Variants in PISD observed in about 807,000 individuals in gnomAD.
The protein encoded by PISD is phosphatidylserine decarboxylase.
PISD carries 31 observed loss-of-function variants against 43.5 expected under a neutral mutation model. That is an observed-to-expected ratio of 0.71 (90% CI 0.54 to 0.96). PISD has a LOEUF of 0.96. Among genes scored for constraint, PISD ranks in the 40% least tolerant of loss-of-function variants. The pLI is 0.00. For missense variants in PISD, 523 were observed against 548.4 expected, an observed-to-expected ratio of 0.95 and a Z score of 0.46; for synonymous variants, 259 against 228.7, an observed-to-expected ratio of 1.13 and a Z score of -1.20.
At position 31,637,968 on chromosome 22, in the gene PISD, G is replaced by A. The variant is rs187518168; in HGVS notation, c.321+10133C>T. Among the ~76,000 whole-genome samples the A allele has an allele frequency of 8.5e-5, 13 of 152,330 alleles. No homozygotes were observed. In the East Asian group the frequency reaches 1.7e-3, roughly 20 times the overall value. ...CCATGTGCTTCCAGAAATAAGGCTCGGCCCCAGACAGACCCAGAGGCCGCC... is the reference window on the plus strand; with the variant it reads ...CCATGTGCTTCCAGAAATAAGGCTCAGCCCCAGACAGACCCAGAGGCCGCC... On this transcript the variant is annotated intron_variant, in intron 3 of 7. Coordinates refer to ENST00000439502, the MANE Select transcript of PISD (RefSeq NM_001326411.2).
rs1410876797 is a variant in PISD at position 31,630,164 on chromosome 22, CAG to C, written c.322-8281_322-8280del. Among the ~76,000 whole-genome samples, 2 of 152,006 alleles carry C rather than the reference CAG, an allele frequency of 1.3e-5. No individual in the cohort carries two copies. The highest frequency in any genetic ancestry group is 2.9e-5 in the Non-Finnish European group (2 of 67,986). ...ATGGTCCTCCCTGGGCGACATGGAC[CAG>C]AGTCAGTGGCAGGCAGCCCAGGAGG... On this transcript the variant is annotated intron_variant, in intron 3 of 7. Coordinates refer to ENST00000439502, the MANE Select transcript of PISD (RefSeq NM_001326411.2). The surrounding 1 kb of genome is among the most constrained non-coding windows in gnomAD (Gnocchi z 4.4).
rs377022091 is a variant in PISD, at chr22:31,625,824, G to A, written c.322-3939C>T. ...TCTGACTGACACATCATGGGCCGGC[G>A]CAGGGAGGGCGGGGCGAGGCTCACT... On this transcript the variant is annotated intron_variant, in intron 3 of 7. Coordinates refer to ENST00000439502, the MANE Select transcript of PISD (RefSeq NM_001326411.2). 476 of 1,597,550 alleles carry A rather than the reference G, an allele frequency of 3.0e-4. 2 individuals carry two copies. In the African/African-American group the frequency reaches 4.2e-3, roughly 14 times the overall value.
chr22:31,656,419 G>A (rs1450841825), intron 1 of PISD, among the ~76,000 whole-genome samples: 1 of 151,948 alleles, frequency 6.6e-6, no homozygotes. Context: ...GGAAGGCCAA[G>A]GTGGGCAGAT....
At position 31,625,931 on chromosome 22, in the gene PISD, T is replaced by C. The variant is rs2072885609; in HGVS notation, c.322-4046A>G. On this transcript the variant is annotated intron_variant, in intron 3 of 7. Transcript: ENST00000439502. ...TGTGCTGTCACTGCTCCAGGGCCTC[T>C]GCCTCTGCGAGGCTGGTTGGTGGCG... 4 of 1,514,522 alleles carry C rather than the reference T, an allele frequency of 2.6e-6. No individual in the cohort carries two copies. In the South Asian group the frequency reaches 5.0e-5, roughly 19 times the overall value. 93.8% of individuals were successfully genotyped at this position (1,514,522 alleles called of 1,614,324 possible). A position where few individuals can be genotyped will look rare whatever the true frequency, so the allele number is the denominator to read the frequency against.
chr22:31,624,785 AGCCTCTCTGTGATCCG>A (rs2072802935), intron 3 of PISD, among the ~76,000 whole-genome samples: 1 of 145,138 alleles, frequency 6.9e-6, no homozygotes, highest in South Asian at 2.2e-4. Context: ...TTCTGCATCC[AGCCTCTCTGTGATCCG>A]GCCTCTCCCC....
intron 3 of PISD, chr22:31,623,863 G>A: frequency 6.2e-7 from 1 of 1,609,220 alleles, no homozygotes; most frequent in Non-Finnish European, 8.5e-7. Context: ...CAGGGCACAG[G>A]TCCATGCACA....
In PISD at chr22:31,619,802, C is replaced by G; in HGVS notation, c.1040G>C (p.Gly347Ala). ...CACGAAGCTGAAGTCATTGTAGGAG[C>G]CCTTGCTGTGCCTTGGGCTGTTTGT... ...LHTNSPRHSKGSYNDFSFVTH... is the reference protein window; with the variant it reads ...LHTNSPRHSKASYNDFSFVTH... The change falls in exon 8 of 8, where the codon GGC (glycine) becomes GCC (alanine). Residue 347 changes from glycine to alanine, a missense_variant. By Grantham distance (60) the Gly-to-Ala change is moderately conservative. Coordinates refer to ENST00000439502, the MANE Select transcript of PISD (RefSeq NM_001326411.2). The G allele has an allele frequency of 6.2e-7, 1 of 1,614,112 alleles. No individual in the cohort carries two copies. Among genetic ancestry groups the G allele is most frequent in the Non-Finnish European group, 8.5e-7 (1 of 1,179,984 alleles).
chr22:31,651,429 G>A (rs2074025512), intron 1 of PISD, among the ~76,000 whole-genome samples: 1 of 152,196 alleles, frequency 6.6e-6, no homozygotes, highest in African/African-American at 2.4e-5. Flanking sequence ...AGGTATTTGG[G>A]AATTCTATGT....
chr22:31,627,023 T>C (rs16989336), intron 3 of PISD, among the ~76,000 whole-genome samples: 10,025 of 152,318 alleles, frequency 0.066, 334 homozygotes, highest in African/African-American at 0.09. Context: ...CGCGCGTGGT[T>C]GAACATCTGA....
intron 3 of PISD, among the ~76,000 whole-genome samples, chr22:31,647,821 A>G (rs1441769165): frequency 6.6e-6 from 1 of 152,248 alleles, no homozygotes; most frequent in Non-Finnish European, 1.5e-5. Flanking sequence ...CAGAACAGCC[A>G]GGATGTCAGC....
In PISD at chr22:31,619,121, C is replaced by T. The variant is rs756728392; in HGVS notation, c.*491G>A. On this transcript the variant is annotated 3_prime_UTR_variant, in exon 8 of 8. Transcript: ENST00000439502. ...ATGTGGGAACGGAAAGCAGTTGTCACGAAGGCTGTGTGGCTCTGCTGGGGG... is the reference window on the plus strand; with the variant it reads ...ATGTGGGAACGGAAAGCAGTTGTCATGAAGGCTGTGTGGCTCTGCTGGGGG... 5 of 249,154 alleles carry T rather than the reference C, an allele frequency of 2.0e-5. No individual in the cohort carries two copies. Among genetic ancestry groups the T allele is most frequent in the South Asian group, 8.7e-5 (2 of 22,938 alleles). The allele number at this position is 249,154 out of a possible 1,614,324, so 15.4% of individuals were successfully genotyped here.
intron 3 of PISD, among the ~76,000 whole-genome samples, chr22:31,624,606 C>T (rs927698279): frequency 1.3e-5 from 2 of 151,870 alleles, no homozygotes; most frequent in Non-Finnish European, 2.9e-5. Flanking sequence ...AACCTCCCCA[C>T]CACAAGCTCT....
intron 1 of PISD, among the ~76,000 whole-genome samples, chr22:31,652,371 T>C (rs1446365271): frequency 6.6e-6 from 1 of 151,620 alleles, no homozygotes. Context: ...CCTCAAGTGA[T>C]CCACCTGCCT....
chr22:31,628,031 G>A (rs976368594), intron 3 of PISD: 12 of 985,496 alleles, frequency 1.2e-5, no homozygotes, highest in East Asian at 2.3e-4. Flanking sequence ...AGGGCAGGGC[G>A]TCCTTGCCCA....
At chr22:31,646,783 G>C (rs2073899197) in intron 3 of PISD, among the ~76,000 whole-genome samples, 1 of 152,120 alleles carries the variant, frequency 6.6e-6, no homozygotes, top group Non-Finnish European at 1.5e-5. Context: ...ACGCCACAGG[G>C]AACAGAGGGC....
chr22:31,637,605 T>G (rs1376508480), intron 3 of PISD, among the ~76,000 whole-genome samples: 1 of 152,104 alleles, frequency 6.6e-6, no homozygotes, highest in Non-Finnish European at 1.5e-5. Flanking sequence ...CATGTCACTT[T>G]ACTCCAGTGA....
intron 3 of PISD, chr22:31,638,787 G>T: frequency 6.6e-6 from 1 of 151,834 alleles, no homozygotes; most frequent in Non-Finnish European, 1.4e-5. Flanking sequence ...ACCCCTGGCT[G>T]ATTTTTCTTT....
chr22:31,632,141 TA>T, intron 3 of PISD: 1 of 605,972 alleles, frequency 1.7e-6, no homozygotes, highest in Non-Finnish European at 2.1e-6. Flanking sequence ...GAATAGGACA[TA>T]AGGGTGTACA....
chr22:31,621,823 C>G lies in PISD; in HGVS notation c.384G>C (p.Gln128His), dbSNP rs994775188. 3 of 1,613,116 alleles carry G rather than the reference C, an allele frequency of 1.9e-6. No homozygotes were observed. The African/African-American group carries it at 4.0e-5, about 22-fold the overall frequency. ...TGCGCAGCCAGTGTGGCAGCTCCAC[C>G]TGATTGAGGCGACCCCAGGCCCGTG... ...LLSRAWGRLN[Q>H]VELPHWLRRP... The change falls in exon 4 of 8, where the codon CAG (glutamine) becomes CAC (histidine). Residue 128 changes from glutamine (Q) to histidine (H), a missense_variant. Coordinates refer to ENST00000439502, the MANE Select transcript of PISD (RefSeq NM_001326411.2).
Sources: allele counts gnomAD v4.1 joint callset (sites outside exome capture counted in the v4.1 genomes callset), GRCh38; gene constraint gnomAD v4.1.1; non-coding constraint Gnocchi (gnomAD v3.1); transcripts MANE v1.5; gene names NCBI Gene and HGNC (gene_info 2026-07-23, HGNC 2026-07-21).